The following EP400 variants were observed in gnomAD, a reference collection of about 807,000 sequenced individuals.
EP400 encodes E1A-binding protein p400.
A neutral mutation model predicts 354.1 loss-of-function variants in EP400; 105 were observed. The ratio of observed to expected loss-of-function variants is 0.30; its 90% CI spans 0.25 to 0.35. EP400 has a LOEUF of 0.35. Ranked by LOEUF, EP400 falls within the 10% of genes least tolerant of loss-of-function variation. The pLI is 1.00. For synonymous variants in EP400, 1,646 were observed against 1,716.9 expected (o/e 0.96, Z 1.02); for missense variants, 3,280 against 4,121.0 (o/e 0.80, Z 5.59).
At chr12:132,008,816 C>T (rs1247521657) in intron 15 of EP400, among the ~76,000 whole-genome samples, 1 of 149,932 alleles carries the variant, frequency 6.7e-6, no homozygotes, top group Non-Finnish European at 1.5e-5. Context: ...GACAGGGTTT[C>T]ATTATGTTGC....
chr12:132,066,942 G>T lies in EP400; in HGVS notation c.8722G>T (p.Ala2908Ser). 6.2e-7 allele frequency: 1 copy of T among 1,604,596 alleles called. No homozygotes were observed. Among genetic ancestry groups the T allele is most frequent in the Non-Finnish European group, 8.5e-7 (1 of 1,175,340 alleles). ...LPMNVAGISV[A>S]IGQPQKAAGQ... Reference sequence around the variant, plus strand: ...CATGAACGTCGCGGGGATCAGCGTGGCGATCGGTCAGCCACAGAAGGCAGC... The same window carrying T: ...CATGAACGTCGCGGGGATCAGCGTGTCGATCGGTCAGCCACAGAAGGCAGC... The change falls in exon 49 of 53, where the codon GCG (alanine) becomes TCG (serine). Residue 2908 changes from alanine to serine, a missense_variant. Ala to Ser is a moderately conservative substitution (Grantham distance 99, BLOSUM62 1). Around this residue, in one of 20 missense-constraint regions of EP400, gnomAD observed 279 missense variants for 386.7 expected, o/e 0.72. Coordinates refer to ENST00000389561, the MANE Select transcript of EP400 (RefSeq NM_015409.5).
In EP400 at chr12:131,990,541, C is replaced by G; in HGVS notation, c.2551-95C>G. The G allele has an allele frequency of 1.1e-6, 1 of 926,942 alleles. No individual in the cohort carries two copies. The highest frequency in any genetic ancestry group is 2.5e-5 in the East Asian group (1 of 40,728). 57.4% of individuals were successfully genotyped at this position (926,942 alleles called of 1,614,324 possible). On this transcript the variant is annotated intron_variant, in intron 8 of 52. Coordinates refer to ENST00000389561, the MANE Select transcript of EP400 (RefSeq NM_015409.5). The surrounding 1 kb of genome is among the most constrained non-coding windows in gnomAD (Gnocchi z 4.2). ...TGACGAGGCTGGAAAACACTGTTTT[C>G]AGACTCTGCTTATGTGCTTTAGTGT... is the stretch of plus-strand genomic sequence containing the variant.
chr12:131,962,042 C>G (rs189951013), intron 2 of EP400, 88 bp downstream of exon 2: 639 of 1,425,892 alleles, frequency 4.5e-4, no homozygotes, highest in Admixed American at 7.9e-4. Context: ...ATTTATTGAG[C>G]CTGCGGTATT....
At position 132,077,580 on chromosome 12, in the gene EP400, C is replaced by G. The variant is rs138013052; in HGVS notation, c.9279C>G (p.Pro3093=). 4.3e-6 allele frequency: 7 copies of G among 1,613,820 alleles called. No individual in the cohort carries two copies. The South Asian group carries it at 6.6e-5, about 15-fold the overall frequency. ...TPGAPNPAQV[P]ASSDSPSQQP... ...GCGCTCCCAACCCAGCCCAGGTGCC[C>G]GCCAGCTCCGACAGCCCAAGCCAGC... The change falls in exon 53 of 53, where the codon CCC becomes CCG. Residue 3093 remains proline (P), a synonymous_variant. Transcript: ENST00000389561.
chr12:132,063,672 AAGGG>A (rs1411183583), intron 47 of EP400, among the ~76,000 whole-genome samples: 5 of 152,014 alleles, frequency 3.3e-5, no homozygotes, highest in Non-Finnish European at 7.4e-5. Flanking sequence ...CGTGGTCTGG[AAGGG>A]AGGAAGTGGG....
chr12:131,972,229 C>T (rs1460900480), intron 2 of EP400, among the ~76,000 whole-genome samples: 6 of 151,044 alleles, frequency 4.0e-5, no homozygotes, highest in African/African-American at 7.3e-5. Context: ...CTCGGTTCAC[C>T]GCAAGCTCCG....
At chr12:132,012,771 G>T (rs991324147) in intron 16 of EP400, among the ~76,000 whole-genome samples, 3 of 152,274 alleles carry the variant, frequency 2.0e-5, no homozygotes, top group South Asian at 2.1e-4. Context: ...AATTGTCAGC[G>T]CCTGCAAAAT....
At chr12:132,069,401 TG>T (rs2136617709) in intron 50 of EP400, 93 bp from the exon 51 acceptor site, 1 of 1,535,154 alleles carries the variant, frequency 6.5e-7, no homozygotes, top group African/African-American at 1.4e-5. Context: ...GGAAAGGGGC[TG>T]GGTTCTGCCA....
At chr12:132,059,809 A>G (rs1417686829) in intron 45 of EP400, among the ~76,000 whole-genome samples, 2 of 151,972 alleles carry the variant, frequency 1.3e-5, no homozygotes, top group African/African-American at 2.4e-5. Flanking sequence ...AGGTCAGGAG[A>G]TAAGAGACCA....
chr12:132,041,585 T>G lies in EP400; in HGVS notation c.6208-1719T>G, dbSNP rs1894911064. Reference sequence around the variant, plus strand: ...TTATCAGATCTGCAGCTTGTGGACGTGATGGAGTGGTTCATTTGAATTGTG... The same window carrying G: ...TTATCAGATCTGCAGCTTGTGGACGGGATGGAGTGGTTCATTTGAATTGTG... On this transcript the variant is annotated intron_variant, in intron 32 of 52. Coordinates refer to ENST00000389561, the MANE Select transcript of EP400 (RefSeq NM_015409.5). Among the ~76,000 whole-genome samples, 3 of 152,374 alleles carry G rather than the reference T, an allele frequency of 2.0e-5. No homozygotes were observed. In the South Asian group the frequency reaches 6.2e-4, roughly 32 times the overall value.
In EP400 at chr12:132,027,214, C is replaced by T. The variant is rs1042569132; in HGVS notation, c.5015-223C>T. ...TCCATTCAGCTCCAGTCATGGCCTG[C>T]GAGCCAGCATGCTTCCGTGGCAGGT... On this transcript the variant is annotated intron_variant, in intron 25 of 52. Transcript: ENST00000389561. This position sits in a 1 kb window ranked among gnomAD's most constrained non-coding sequence, Gnocchi z 4.9. 7.9e-5 allele frequency among the ~76,000 whole-genome samples: 12 copies of T among 152,178 alleles called. No homozygotes were observed. The highest frequency in any genetic ancestry group is 1.4e-4 in the African/African-American group (6 of 41,430).
intron 22 of EP400, among the ~76,000 whole-genome samples, chr12:132,020,510 C>G (rs1425098054): frequency 6.6e-6 from 1 of 152,202 alleles, no homozygotes; most frequent in Admixed American, 6.5e-5. Context: ...TGCGTGCGTG[C>G]AGTCGTCTAG....
chr12:131,967,871 T>C (rs1299687577), intron 2 of EP400, among the ~76,000 whole-genome samples: 1 of 152,202 alleles, frequency 6.6e-6, no homozygotes, highest in African/African-American at 2.4e-5. Flanking sequence ...TTTGGATGTC[T>C]CTGAAGACTA....
chr12:131,986,454 A>G, intron 5 of EP400, 60 bp from the exon 6 acceptor site: 1 of 1,521,212 alleles, frequency 6.6e-7, no homozygotes, highest in South Asian at 1.3e-5. Flanking sequence ...GGTATTTGGC[A>G]CCGTGGGCTG....
rs1270123597 is a variant in EP400 at position 132,013,923 on chromosome 12, G to A, written c.3923+10G>A. The A allele has an allele frequency of 6.2e-7, 1 of 1,613,730 alleles. No homozygotes were observed. The highest frequency in any genetic ancestry group is 2.2e-5 in the East Asian group (1 of 44,878). Reference sequence around the variant, plus strand: ...TTATCCTGCAACCTGGGTGAGTGTGGGCTCTGGGCATGTGCCCCCTTTGCT... The same window carrying A: ...TTATCCTGCAACCTGGGTGAGTGTGAGCTCTGGGCATGTGCCCCCTTTGCT... On this transcript the variant is annotated intron_variant, in intron 19 of 52. Coordinates refer to ENST00000389561, the MANE Select transcript of EP400 (RefSeq NM_015409.5). This position sits in a 1 kb window ranked among gnomAD's most constrained non-coding sequence, Gnocchi z 4.5.
rs111963161 is a variant in EP400 at position 132,062,887 on chromosome 12, C to T, written c.8334+186C>T. On this transcript the variant is annotated intron_variant, in intron 47 of 52. Transcript: ENST00000389561. ...ATTTCCCATGTCATAACACTTTGATCATGCCTTAGAGAAGTCTTACAGCTT... is the reference window on the plus strand; with the variant it reads ...ATTTCCCATGTCATAACACTTTGATTATGCCTTAGAGAAGTCTTACAGCTT... 3.9e-3 allele frequency among the ~76,000 whole-genome samples: 598 copies of T among 152,340 alleles called. 1 individual carries two copies. Among genetic ancestry groups the T allele is most frequent in the Non-Finnish European group, 6.8e-3 (460 of 68,036 alleles).
intron 30 of EP400, among the ~76,000 whole-genome samples, chr12:132,035,349 G>T (rs1894658379): frequency 6.6e-6 from 1 of 152,226 alleles, no homozygotes; most frequent in Admixed American, 6.5e-5. Flanking sequence ...AGTCACTGGG[G>T]CACAGCCATC....
chr12:131,995,149 T>A, intron 12 of EP400, 193 bp downstream of exon 12: 1 of 520,228 alleles, frequency 1.9e-6, no homozygotes, highest in Non-Finnish European at 3.5e-6. Flanking sequence ...TGTCGGACAC[T>A]GCCCTGACTG....
intron 1 of EP400, among the ~76,000 whole-genome samples, chr12:131,954,726 G>GACAAA: frequency 1.2e-5 from 1 of 83,736 alleles, no homozygotes; most frequent in East Asian, 3.4e-4. Context: ...CTCCATCTCA[G>GACAAA]AAAAAAAAAA....
Sources: gnomAD v4.1 joint callset for allele counts (sites outside exome capture counted in the v4.1 genomes callset) on GRCh38, gnomAD v4.1.1 for gene constraint, gnomAD v4.1.1 regional missense constraint, Gnocchi (gnomAD v3.1) non-coding constraint, MANE v1.5 for transcripts, NCBI Gene and HGNC (gene_info 2026-07-23, HGNC 2026-07-21) for gene names.